The following LYRM2 variants were observed in gnomAD, a reference collection of about 807,000 sequenced individuals.
LYRM2 encodes LYR motif containing 2, also known as LYR motif-containing protein 2.
LYRM2 carries 8 observed loss-of-function variants against 11.6 expected under a neutral mutation model. The ratio of observed to expected loss-of-function variants is 0.69; its 90% CI spans 0.40 to 1.24. The LOEUF (loss-of-function observed/expected upper bound fraction) is 1.24. LYRM2 is among the 50% of genes most tolerant of loss of function. The pLI is 0.01. For missense variants in LYRM2, 117 were observed against 102.9 expected (o/e 1.14, Z -0.59); for synonymous variants, 30 against 36.4 (o/e 0.83, Z 0.63).
intron 2 of LYRM2, 107 bp from the exon 3 acceptor site, chr6:89,637,460 C>G: frequency 1.4e-6 from 1 of 737,272 alleles, no homozygotes; most frequent in South Asian, 1.9e-5. Flanking sequence ...ATTGGAACTG[C>G]TGCCTTTTAG....
In LYRM2 at chr6:89,638,713, C is replaced by T; in HGVS notation, c.4G>A (p.Ala2Thr). The change falls in exon 1 of 3, where the codon GCT becomes ACT. Residue 2 changes from alanine to threonine, a missense_variant. By Grantham distance (58) the Ala-to-Thr change is moderately conservative (BLOSUM62 0). Transcript: ENST00000523377. M[A>T]ASRLPPATLT... The stretch of plus-strand genomic sequence containing the variant: ...GTCGCTGGGGGTAAGCGGGAAGCAG[C>T]CATGTCCACCAGAGGTCCGCCGGAG... 1 of 1,614,076 alleles carries T rather than the reference C, an allele frequency of 6.2e-7. No individual in the cohort carries two copies.
Position 89,636,192 on chromosome 6 carries a change from T to C in LYRM2, c.*1081A>G, listed in dbSNP as rs962290023. ...CTTACATTTAAAATGTACAGTTCAG[T>C]GGATTTGAATATATTCAAGAGTTGT... On this transcript the variant is annotated 3_prime_UTR_variant, in exon 3 of 3. Transcript: ENST00000523377. 2.0e-5 allele frequency: 3 copies of C among 152,168 alleles called. No homozygotes were observed. Among genetic ancestry groups the C allele is most frequent in the Non-Finnish European group, 2.9e-5 (2 of 68,022 alleles). 9.4% of individuals were successfully genotyped at this position (152,168 alleles called of 1,614,324 possible). A position where few individuals can be genotyped will look rare whatever the true frequency, so the allele number is the denominator to read the frequency against.
chr6:89,638,209 C>G, intron 1 of LYRM2: 2 of 902,606 alleles, frequency 2.2e-6, no homozygotes, highest in Non-Finnish European at 2.8e-6. Context: ...CGAGGTTCAT[C>G]TGATCTTTTT....
chr6:89,638,226 T>A (rs1277723379), intron 1 of LYRM2: 2 of 1,023,542 alleles, frequency 2.0e-6, no homozygotes, highest in Non-Finnish European at 2.4e-6. Flanking sequence ...TTTTGCTTAC[T>A]GCTCTGTCAA....
Position 89,638,694 on chromosome 6 carries a change from G to A in LYRM2, c.23C>T (p.Pro8Leu), listed in dbSNP as rs761178273. 3.1e-6 allele frequency: 5 copies of A among 1,614,110 alleles called. No homozygotes were observed. The highest frequency in any genetic ancestry group is 3.3e-5 in the Admixed American group (2 of 60,026). Reference sequence around the variant, plus strand: ...TACCTGCTTTAACGTTAGCGTCGCTGGGGGTAAGCGGGAAGCAGCCATGTC... The same window carrying A: ...TACCTGCTTTAACGTTAGCGTCGCTAGGGGTAAGCGGGAAGCAGCCATGTC... Reference protein sequence around the residue: MAASRLPPATLTLKQFVR... With the variant: MAASRLPLATLTLKQFVR... The change falls in exon 1 of 3, where the codon CCA becomes CTA. Residue 8 changes from proline to leucine, a missense_variant. By Grantham distance (98) the Pro-to-Leu change is moderately conservative. Transcript: ENST00000523377.
In LYRM2 at chr6:89,637,804, G is replaced by C; in HGVS notation, c.124C>G (p.Arg42Gly). 6.2e-7 allele frequency: 1 copy of C among 1,613,920 alleles called. No individual in the cohort carries two copies. Among genetic ancestry groups the C allele is most frequent in the East Asian group, 2.2e-5 (1 of 44,878 alleles). ...CTTGCCCAATCTTTCAGGTATTTGCGATCAGAATCATTTGGAACTTGCCGA... is the reference window on the plus strand; with the variant it reads ...CTTGCCCAATCTTTCAGGTATTTGCCATCAGAATCATTTGGAACTTGCCGA... ...TIRQVPNDSD[R>G]KYLKDWAREE... Residue 42 changes from arginine (R) to glycine (G), a missense_variant, in exon 2 of 3, where the codon CGC becomes GGC. Physicochemically the swap from Arg to Gly is moderately radical, Grantham distance 125. Transcript: ENST00000523377.
At position 89,636,435 on chromosome 6, in the gene LYRM2, TA is replaced by T. The variant is rs896359327; in HGVS notation, c.*837del. 2.6e-5 allele frequency: 4 copies of T among 152,226 alleles called. No individual in the cohort carries two copies. The highest frequency in any genetic ancestry group is 5.9e-5 in the Non-Finnish European group (4 of 68,048). 9.4% of individuals were successfully genotyped at this position (152,226 alleles called of 1,614,324 possible). A position where few individuals can be genotyped will look rare whatever the true frequency, so the allele number is the denominator to read the frequency against. ...TCAAGGTTTATCCATGTTTAGTATA[TA>T]TAAGTCCTTCGTTTCTTTTTAGTGC... On this transcript the variant is annotated 3_prime_UTR_variant, in exon 3 of 3. Transcript: ENST00000523377.
rs1420839830 is a variant in LYRM2 at position 89,633,059 on chromosome 6, C to G, written c.*4214G>C. ...TTTGGTGGGAGTATTTTGATTACCT[C>G]CTACCCATCAGAAGCAGGCAGCTAA... On this transcript the variant is annotated 3_prime_UTR_variant, in exon 3 of 3. Coordinates refer to ENST00000523377, the MANE Select transcript of LYRM2 (RefSeq NM_020466.5). The G allele has an allele frequency of 6.6e-6, 1 of 152,206 alleles. No individual in the cohort carries two copies. The highest frequency in any genetic ancestry group is 2.4e-5 in the African/African-American group (1 of 41,450). 9.4% of individuals were successfully genotyped at this position (152,206 alleles called of 1,614,324 possible).
intron 1 of LYRM2, chr6:89,638,284 G>T (rs1226673423): frequency 8.7e-7 from 1 of 1,144,812 alleles, no homozygotes; most frequent in East Asian, 5.4e-5. Context: ...GGCTGAAAAG[G>T]GCTGCCGGTC....
rs1247163058 is a variant in LYRM2 at position 89,633,245 on chromosome 6, CTCAG to C, written c.*4024_*4027del. On this transcript the variant is annotated 3_prime_UTR_variant, in exon 3 of 3. Coordinates refer to ENST00000523377, the MANE Select transcript of LYRM2 (RefSeq NM_020466.5). ...AGAGGTGATGAAGACACAGAACAGG[CTCAG>C]TCAGCATCCTCACCCAGAGATGGCA... is the stretch of plus-strand genomic sequence containing the variant. 1 of 152,208 alleles carries C rather than the reference CTCAG, an allele frequency of 6.6e-6. No individual in the cohort carries two copies. Among genetic ancestry groups the C allele is most frequent in the African/African-American group, 2.4e-5 (1 of 41,454 alleles). 9.4% of individuals were successfully genotyped at this position (152,208 alleles called of 1,614,324 possible). A position where few individuals can be genotyped will look rare whatever the true frequency, so the allele number is the denominator to read the frequency against.
chr6:89,637,069 T>G lies in LYRM2; in HGVS notation c.*204A>C. ...GTGGTTTTTTTCTTCTTTTAAGAAC[T>G]GCTGAGACATCCATAAACATTTTCA... On this transcript the variant is annotated 3_prime_UTR_variant, in exon 3 of 3. Transcript: ENST00000523377. 2.2e-6 allele frequency: 1 copy of G among 459,006 alleles called. No individual in the cohort carries two copies. Among genetic ancestry groups the G allele is most frequent in the Non-Finnish European group, 3.9e-6 (1 of 258,614 alleles). The allele number at this position is 459,006 out of a possible 1,614,324, so 28.4% of individuals were successfully genotyped here.
At chr6:89,638,473 G>A in intron 1 of LYRM2, 199 bp downstream of exon 1, 2 of 1,489,218 alleles carry the variant, frequency 1.3e-6, no homozygotes, top group Non-Finnish European at 8.9e-7. Context: ...TCACGCGATC[G>A]CACCAAACCA....
rs752804390 is a variant in LYRM2, at chr6:89,636,353, C to T, written c.*920G>A. On this transcript the variant is annotated 3_prime_UTR_variant, in exon 3 of 3. Transcript: ENST00000523377. ...ATCTTTCTGCCTATTCTGGACATTT[C>T]GTATGAATGGAATCATCATGTGATC... 11 of 152,160 alleles carry T rather than the reference C, an allele frequency of 7.2e-5. No individual in the cohort carries two copies. The highest frequency in any genetic ancestry group is 1.0e-4 in the Non-Finnish European group (7 of 68,018). The allele number at this position is 152,160 out of a possible 1,614,324, so 9.4% of individuals were successfully genotyped here. A position where few individuals can be genotyped will look rare whatever the true frequency, so the allele number is the denominator to read the frequency against.
At chr6:89,637,984 T>A in intron 1 of LYRM2, 102 bp from the exon 2 acceptor site, 2 of 1,232,896 alleles carry the variant, frequency 1.6e-6, no homozygotes, top group Non-Finnish European at 2.3e-6. Flanking sequence ...TTCTCGTTGG[T>A]CAATTTTGAA....
rs1807937822 is a variant in LYRM2 at position 89,634,773 on chromosome 6, A to C, written c.*2500T>G. ...GCAATGCTTGTACCATGAATTTAAA[A>C]CTTCTAACTTGATGGCACTTTTTTA... On this transcript the variant is annotated 3_prime_UTR_variant, in exon 3 of 3. Coordinates refer to ENST00000523377, the MANE Select transcript of LYRM2 (RefSeq NM_020466.5). 1 of 152,116 alleles carries C rather than the reference A, an allele frequency of 6.6e-6. No homozygotes were observed. Among genetic ancestry groups the C allele is most frequent in the African/African-American group, 2.4e-5 (1 of 41,400 alleles). The allele number at this position is 152,116 out of a possible 1,614,324, so 9.4% of individuals were successfully genotyped here.
chr6:89,638,656 A>G lies in LYRM2; in HGVS notation c.45+16T>C. On this transcript the variant is annotated intron_variant, in intron 1 of 2. Transcript: ENST00000523377. ...ACCCAGGTAAGCTGCTTTGGAAGGC[A>G]GAGAACCGCCGGTACCTGCTTTAAC... 6.2e-7 allele frequency: 1 copy of G among 1,614,058 alleles called. No individual in the cohort carries two copies. Among genetic ancestry groups the G allele is most frequent in the Admixed American group, 1.7e-5 (1 of 60,032 alleles).
At chr6:89,637,477 TAA>T (rs1808038695) in intron 2 of LYRM2, 124 bp from the exon 3 acceptor site, 6 of 690,496 alleles carry the variant, frequency 8.7e-6, no homozygotes, top group Admixed American at 3.1e-5. Flanking sequence ...TTAGAAAAGC[TAA>T]AAGAGTTCCA....
Position 89,638,679 on chromosome 6 carries a change from A to G in LYRM2, c.38T>C (p.Leu13Ser). 1 of 1,614,120 alleles carries G rather than the reference A, an allele frequency of 6.2e-7. No homozygotes were observed. The highest frequency in any genetic ancestry group is 1.3e-5 in the African/African-American group (1 of 75,052). The change falls in exon 1 of 3, where the codon TTA (leucine) becomes TCA (serine). Residue 13 changes from leucine (L) to serine (S), a missense_variant. By Grantham distance (145) the Leu-to-Ser change is moderately radical. Transcript: ENST00000523377. ...GCAGAGAACCGCCGGTACCTGCTTT[A>G]ACGTTAGCGTCGCTGGGGGTAAGCG... ...ASRLPPATLT[L>S]KQFVRRQQVL...
Position 89,636,680 on chromosome 6 carries a change from GTTTTTTTT to G in LYRM2, c.*585_*592del, listed in dbSNP as rs917848406. ...TCTAGTGAATGTGAATCTCAGGGTTGTTTTTTTTTTTTTTTTTTAGAGACTGTCTCACT... is the reference window on the plus strand; with the variant it reads ...TCTAGTGAATGTGAATCTCAGGGTTGTTTTTTTTTTAGAGACTGTCTCACT... On this transcript the variant is annotated 3_prime_UTR_variant, in exon 3 of 3. Coordinates refer to ENST00000523377, the MANE Select transcript of LYRM2 (RefSeq NM_020466.5). 7.7e-5 allele frequency: 10 copies of G among 129,504 alleles called. No individual in the cohort carries two copies. The highest frequency in any genetic ancestry group is 2.9e-4 in the African/African-American group (10 of 34,254). 8.0% of individuals were successfully genotyped at this position (129,504 alleles called of 1,614,324 possible). A position where few individuals can be genotyped will look rare whatever the true frequency, so the allele number is the denominator to read the frequency against.
Sources: gnomAD v4.1 joint callset for allele counts on GRCh38, gnomAD v4.1.1 for gene constraint, MANE v1.5 for transcripts, NCBI Gene and HGNC (gene_info 2026-07-23, HGNC 2026-07-21) for gene names.